Variants in STX8 observed in about 807,000 individuals in gnomAD.
STX8 encodes the protein syntaxin-8.
Under a neutral mutation model 37.5 loss-of-function variants are expected in STX8, and 23 were observed. The ratio of observed to expected loss-of-function variants is 0.61; its 90% CI spans 0.44 to 0.87. The LOEUF is 0.87. Among genes scored for constraint, STX8 ranks in the 40% least tolerant of loss-of-function variants. The pLI, the probability that STX8 is intolerant of heterozygous loss-of-function variation, is 0.00. For missense variants in STX8, 313 were observed against 284.7 expected (o/e 1.10, Z -0.71); for synonymous variants, 115 against 99.1 (o/e 1.16, Z -0.95).
intron 6 of STX8, among the ~76,000 whole-genome samples, chr17:9,379,244 C>CAAAAAA: frequency 1.3e-5 from 1 of 76,674 alleles, no homozygotes; most frequent in Non-Finnish European, 2.6e-5. Context: ...GACTCCATCT[C>CAAAAAA]AAAAAAAAAA....
intron 6 of STX8, among the ~76,000 whole-genome samples, chr17:9,482,869 G>A (rs1257373968): frequency 1.3e-5 from 2 of 152,096 alleles, no homozygotes; most frequent in African/African-American, 2.4e-5. Context: ...AGCCGAGATC[G>A]CGCCACTGCA....
At chr17:9,291,181 G>A (rs527864316) in intron 7 of STX8, among the ~76,000 whole-genome samples, 61 of 152,192 alleles carry the variant, frequency 4.0e-4, no homozygotes, top group African/African-American at 1.4e-3. Flanking sequence ...TGGGCGCAGT[G>A]GCTCACACCT....
intron 6 of STX8, among the ~76,000 whole-genome samples, chr17:9,472,949 C>T (rs1364303653): frequency 6.6e-6 from 1 of 152,200 alleles, no homozygotes; most frequent in African/African-American, 2.4e-5. Context: ...AGCAAAAGGT[C>T]CTTGTGACTC....
intron 6 of STX8, chr17:9,469,864 A>T: frequency 6.6e-6 from 1 of 152,174 alleles, no homozygotes; most frequent in African/African-American, 2.4e-5. Flanking sequence ...ACCTCAAATT[A>T]TCCTGTTCAA....
intron 7 of STX8, among the ~76,000 whole-genome samples, chr17:9,307,350 G>C (rs1261350455): frequency 6.6e-6 from 1 of 152,098 alleles, no homozygotes; most frequent in Non-Finnish European, 1.5e-5. Flanking sequence ...GTCCTGCTTG[G>C]GGGAGGGCTG....
chr17:9,565,072 G>T (rs915035646), intron 2 of STX8, among the ~76,000 whole-genome samples: 3 of 152,132 alleles, frequency 2.0e-5, no homozygotes, highest in Non-Finnish European at 4.4e-5. Context: ...GCTGGAAGTG[G>T]TGGCTCATGC....
At chr17:9,333,540 A>G (rs958431044) in intron 7 of STX8, among the ~76,000 whole-genome samples, 6 of 152,012 alleles carry the variant, frequency 3.9e-5, no homozygotes, top group Non-Finnish European at 8.8e-5. Context: ...GGCGCCCGCC[A>G]CCACGCCCAG....
intron 6 of STX8, chr17:9,461,270 G>C (rs1372594803): frequency 2.0e-5 from 3 of 152,100 alleles, no homozygotes; most frequent in Non-Finnish European, 2.9e-5. Flanking sequence ...ACAGCGGGAG[G>C]GGATGGAGGC....
At chr17:9,472,506 G>A (rs1306840554) in intron 6 of STX8, among the ~76,000 whole-genome samples, 2 of 152,224 alleles carry the variant, frequency 1.3e-5, no homozygotes, top group Non-Finnish European at 2.9e-5. Flanking sequence ...CTGAGGAGGA[G>A]AAACAGTATG....
At position 9,548,740 on chromosome 17, in the gene STX8, C is replaced by T. The variant is rs75840170; in HGVS notation, c.213-3458G>A. On this transcript the variant is annotated intron_variant, in intron 3 of 7. Coordinates refer to ENST00000306357, the MANE Select transcript of STX8 (RefSeq NM_004853.3). ...GAATTATTTGACATGGAATAATCTACAAAATATAACATTAAACCAAAGGAG... is the reference window on the plus strand; with the variant it reads ...GAATTATTTGACATGGAATAATCTATAAAATATAACATTAAACCAAAGGAG... Among the ~76,000 whole-genome samples the T allele has an allele frequency of 1.0e-2, 1,514 of 151,996 alleles. 33 individuals carry two copies. Among genetic ancestry groups the T allele is most frequent in the African/African-American group, 0.034 (1,415 of 41,462 alleles).
chr17:9,457,051 C>T (rs1282481877), intron 6 of STX8, among the ~76,000 whole-genome samples: 4 of 152,170 alleles, frequency 2.6e-5, no homozygotes, highest in Non-Finnish European at 4.4e-5. Flanking sequence ...AGAAATGTGT[C>T]TCTCATGGTA....
chr17:9,251,026 C>T (rs191566238), intron 7 of STX8, among the ~76,000 whole-genome samples: 4 of 152,336 alleles, frequency 2.6e-5, no homozygotes, highest in Admixed American at 2.6e-4. Context: ...AAGCAAAGGG[C>T]TTAGGAGAGC....
chr17:9,540,077 G>A (rs937318302), intron 4 of STX8, among the ~76,000 whole-genome samples: 4 of 152,126 alleles, frequency 2.6e-5, no homozygotes, highest in Admixed American at 2.6e-4. Flanking sequence ...TCAAGGATGG[G>A]GATTAGGAGT....
chr17:9,367,900 T>C (rs150658299), intron 7 of STX8, among the ~76,000 whole-genome samples: 1 of 152,234 alleles, frequency 6.6e-6, no homozygotes, highest in East Asian at 1.9e-4. Flanking sequence ...CTGGCTAATT[T>C]TTGTATTTTT....
At chr17:9,425,178 A>C (rs1913580925) in intron 6 of STX8, among the ~76,000 whole-genome samples, 1 of 152,186 alleles carries the variant, frequency 6.6e-6, no homozygotes, top group Non-Finnish European at 1.5e-5. Context: ...GTTCTTTCTA[A>C]TCAGCTGGCT....
intron 6 of STX8, among the ~76,000 whole-genome samples, chr17:9,437,232 C>T (rs192966254): frequency 6.6e-6 from 1 of 152,340 alleles, no homozygotes; most frequent in East Asian, 1.9e-4. Context: ...TAAATGCGCT[C>T]TGGTCTCCAA....
chr17:9,446,640 G>GT (rs963999285), intron 6 of STX8, among the ~76,000 whole-genome samples: 1 of 152,124 alleles, frequency 6.6e-6, no homozygotes, highest in African/African-American at 2.4e-5. Flanking sequence ...AGAAGCAACA[G>GT]TTTTTTTGGC....
At chr17:9,549,851 T>C (rs1906692933) in intron 3 of STX8, among the ~76,000 whole-genome samples, 1 of 152,068 alleles carries the variant, frequency 6.6e-6, no homozygotes, top group Non-Finnish European at 1.5e-5. Context: ...AGCATGTATG[T>C]GGACAGGTGC....
rs538277075 is a variant in STX8, at chr17:9,327,135, CAACAAGAGCTA to C, written c.643+51406_643+51416del. Among the ~76,000 whole-genome samples the C allele has an allele frequency of 5.4e-3, 749 of 139,842 alleles. 5 individuals are homozygous for C. The highest frequency in any genetic ancestry group is 0.018 in the African/African-American group (674 of 37,456). The allele number at this position is 139,842 out of a possible 152,430, so 91.7% of individuals were successfully genotyped here. A position where few individuals can be genotyped will look rare whatever the true frequency, so the allele number is the denominator to read the frequency against. ...TCACGCCATTGCACTCCAGCCTGGG[CAACAAGAGCTA>C]AACTCTGTCTCAAAAAAAAAAAAAG... On this transcript the variant is annotated intron_variant, in intron 7 of 7. Transcript: ENST00000306357.
Sources: allele counts gnomAD v4.1 joint callset (sites outside exome capture counted in the v4.1 genomes callset), GRCh38; gene constraint gnomAD v4.1.1; transcripts MANE v1.5; gene names NCBI Gene and HGNC (gene_info 2026-07-23, HGNC 2026-07-21).